Variants in LIPC observed in about 807,000 individuals in gnomAD.
LIPC encodes hepatic triacylglycerol lipase.
LIPC carries 44 observed loss-of-function variants against 50.7 expected under a neutral mutation model. That is an observed-to-expected ratio of 0.87 (90% CI 0.68 to 1.11). The LOEUF (loss-of-function observed/expected upper bound fraction) is 1.11. Among genes scored for constraint, LIPC ranks in the 50% most tolerant of loss-of-function variants. LIPC has a pLI of 0.00. For missense variants in LIPC, 697 were observed against 648.2 expected, an observed-to-expected ratio of 1.08 and a Z score of -0.82; for synonymous variants, 271 against 256.4, an observed-to-expected ratio of 1.06 and a Z score of -0.54.
chr15:58,489,217 C>CGGCG (rs568178680), intron 1 of LIPC, among the ~76,000 whole-genome samples: 1 of 16,538 alleles, frequency 6.0e-5, no homozygotes, highest in African/African-American at 1.7e-4. Context: ...CATTTTGTTG[C>CGGCG]GGGGGCGGGG....
intron 1 of LIPC, chr15:58,435,248 A>G (rs537098594): frequency 1.3e-5 from 2 of 152,338 alleles, no homozygotes; most frequent in East Asian, 3.9e-4. Context: ...CTGGCTTCCC[A>G]AGACAGCTGG....
chr15:58,541,368 C>A lies in LIPC; in HGVS notation c.274-417C>A, dbSNP rs183222042. On this transcript the variant is annotated intron_variant, in intron 2 of 8. Coordinates refer to ENST00000299022, the MANE Select transcript of LIPC (RefSeq NM_000236.3). ...TGGGGCAGCTGCACGCAGAAGGAGG[C>A]GTACAAATGGCCCTAAGGGACAGGT... Among the ~76,000 whole-genome samples the A allele has an allele frequency of 4.6e-4, 70 of 151,952 alleles. 1 individual carries two copies. In the East Asian group the frequency reaches 0.012, roughly 27 times the overall value.
intron 1 of LIPC, among the ~76,000 whole-genome samples, chr15:58,432,723 C>A (rs1398499160): frequency 2.0e-5 from 3 of 152,148 alleles, no homozygotes; most frequent in African/African-American, 7.2e-5. Context: ...AGATCAAATG[C>A]CTTATCAGGA....
intron 1 of LIPC, among the ~76,000 whole-genome samples, chr15:58,448,243 C>T (rs1236524828): frequency 6.6e-6 from 1 of 152,164 alleles, no homozygotes; most frequent in East Asian, 1.9e-4. Context: ...TCTTCAAGTC[C>T]CTTCCTGTCT....
chr15:58,565,169 C>G (rs1362334426), intron 8 of LIPC: 1 of 1,533,590 alleles, frequency 6.5e-7, no homozygotes, highest in East Asian at 2.4e-5. Context: ...ACTCTGCCGT[C>G]TGCCAACAGA....
intron 1 of LIPC, among the ~76,000 whole-genome samples, chr15:58,476,673 C>G (rs1487568729): frequency 6.6e-6 from 1 of 152,234 alleles, no homozygotes; most frequent in Non-Finnish European, 1.5e-5. Context: ...AGGTGTGCAG[C>G]TGGACCCCCA....
Position 58,513,779 on chromosome 15 carries a change from A to G in LIPC, c.89-24554A>G, listed in dbSNP as rs139640374. On this transcript the variant is annotated intron_variant, in intron 1 of 8. Transcript: ENST00000299022. Reference sequence around the variant, plus strand: ...CTGGAGAAACCCCACGGCAGCTGGCATCTATGTCCTGGCTCCACTCACAAG... The same window carrying G: ...CTGGAGAAACCCCACGGCAGCTGGCGTCTATGTCCTGGCTCCACTCACAAG... Among the ~76,000 whole-genome samples, 603 of 152,312 alleles carry G rather than the reference A, an allele frequency of 4.0e-3. 5 individuals are homozygous for G. The highest frequency in any genetic ancestry group is 0.014 in the African/African-American group (563 of 41,564).
chr15:58,467,479 A>G (rs1430601087), intron 1 of LIPC, among the ~76,000 whole-genome samples: 14 of 152,068 alleles, frequency 9.2e-5, no homozygotes, highest in African/African-American at 3.4e-4. Context: ...TTTCCCAGAG[A>G]GCTTTGCAGC....
At chr15:58,502,343 C>G (rs1416790125) in intron 1 of LIPC, among the ~76,000 whole-genome samples, 1 of 152,102 alleles carries the variant, frequency 6.6e-6, no homozygotes, top group African/African-American at 2.4e-5. Context: ...TTGGATGCAC[C>G]TGGACAGCAG....
rs754929810 is a variant in LIPC, at chr15:58,563,246, A to G, written c.1170-259A>G. Among the ~76,000 whole-genome samples, 9 of 152,296 alleles carry G rather than the reference A, an allele frequency of 5.9e-5. No homozygotes were observed. The South Asian group carries it at 1.9e-3, about 32-fold the overall frequency. ...CTAGAGAAAGTTAACTAGATTTGTT[A>G]TAGTGGGACTTCTCGGAGCCTTTTT... On this transcript the variant is annotated intron_variant, in intron 7 of 8. Coordinates refer to ENST00000299022, the MANE Select transcript of LIPC (RefSeq NM_000236.3).
At chr15:58,528,245 G>A (rs780985940) in intron 1 of LIPC, among the ~76,000 whole-genome samples, 16 of 152,112 alleles carry the variant, frequency 1.1e-4, no homozygotes, top group Non-Finnish European at 2.1e-4. Context: ...CAGCTCCAGG[G>A]AGGGGAACAT....
At chr15:58,519,351 C>A (rs1473579850) in intron 1 of LIPC, among the ~76,000 whole-genome samples, 2 of 148,558 alleles carry the variant, frequency 1.3e-5, no homozygotes, top group Non-Finnish European at 3.0e-5. Context: ...GCGGAGCTTG[C>A]AGTGAGCCGA....
intron 1 of LIPC, among the ~76,000 whole-genome samples, chr15:58,502,848 G>A (rs1437013957): frequency 6.6e-6 from 1 of 151,906 alleles, no homozygotes; most frequent in Non-Finnish European, 1.5e-5. Flanking sequence ...CAGGCTTTAG[G>A]GAGGCACAAG....
intron 1 of LIPC, among the ~76,000 whole-genome samples, chr15:58,525,166 A>G (rs1892764918): frequency 1.3e-5 from 2 of 152,214 alleles, no homozygotes; most frequent in South Asian, 4.1e-4. Context: ...TATTTTTTAA[A>G]GTCCATCTTT....
At chr15:58,526,527 G>A (rs1892803798) in intron 1 of LIPC, among the ~76,000 whole-genome samples, 1 of 152,214 alleles carries the variant, frequency 6.6e-6, no homozygotes, top group African/African-American at 2.4e-5. Flanking sequence ...TGGAAGATGG[G>A]AGGCTGAAAT....
chr15:58,557,189 G>A (rs1448661909), intron 6 of LIPC, among the ~76,000 whole-genome samples: 1 of 151,986 alleles, frequency 6.6e-6, no homozygotes, highest in Non-Finnish European at 1.5e-5. Context: ...AGCCATATAC[G>A]ACTTACTAGC....
intron 1 of LIPC, among the ~76,000 whole-genome samples, chr15:58,460,527 G>A (rs1027214920): frequency 2.0e-5 from 3 of 152,178 alleles, no homozygotes; most frequent in Non-Finnish European, 2.9e-5. Flanking sequence ...TAATAATCAC[G>A]TCTTCCACCC....
intron 8 of LIPC, among the ~76,000 whole-genome samples, chr15:58,567,224 T>A (rs1454436961): frequency 7.4e-6 from 1 of 134,664 alleles, no homozygotes; most frequent in Admixed American, 7.7e-5. Context: ...AATATATATA[T>A]ATATATGTAT....
At chr15:58,540,316 C>T (rs538310407) in intron 2 of LIPC, among the ~76,000 whole-genome samples, 104 of 152,294 alleles carry the variant, frequency 6.8e-4, no homozygotes, top group African/African-American at 2.3e-3. Context: ...ACTGCAGTAA[C>T]GAACATTTGT....
Sources: allele counts gnomAD v4.1 joint callset (sites outside exome capture counted in the v4.1 genomes callset), GRCh38; gene constraint gnomAD v4.1.1; transcripts MANE v1.5; gene names NCBI Gene and HGNC (gene_info 2026-07-23, HGNC 2026-07-21).